RARB: variants seen among roughly 807,000 people sequenced by gnomAD.
The protein encoded by RARB is retinoic acid receptor beta.
Under a neutral mutation model 51.9 loss-of-function variants are expected in RARB, and 17 were observed. The ratio of observed to expected loss-of-function variants is 0.33; its 90% CI spans 0.22 to 0.49. The LOEUF is 0.49. Among genes scored for constraint, RARB ranks in the 20% least tolerant of loss-of-function variants. RARB has a pLI of 0.99. For synonymous variants in RARB, 215 were observed against 195.4 expected, an observed-to-expected ratio of 1.10 and a Z score of -0.84; for missense variants, 369 against 550.8, an observed-to-expected ratio of 0.67 and a Z score of 3.30.
intron 2 of RARB, among the ~76,000 whole-genome samples, chr3:24,866,301 G>T (rs750868018): frequency 1.3e-5 from 2 of 152,046 alleles, no homozygotes; most frequent in African/African-American, 2.4e-5. Flanking sequence ...ACCTTGTCCA[G>T]TCCTCAAGCC....
chr3:24,877,346 C>CTTTTTTTTTTTTT (rs66976672), intron 2 of RARB, among the ~76,000 whole-genome samples: 7,793 of 81,254 alleles, frequency 0.096, 1,407 homozygotes, highest in Non-Finnish European at 0.14. Context: ...AGCAATCTTA[C>CTTTTTTTTTTTTT]TTTTTTTTTT....
rs66976672 is a variant in RARB at position 24,877,346 on chromosome 3, CTTT to C, written c.-380+18609_-380+18611del. 5.7e-3 allele frequency among the ~76,000 whole-genome samples: 463 copies of C among 81,928 alleles called. 21 individuals carry two copies. The highest frequency in any genetic ancestry group is 7.0e-3 in the Non-Finnish European group (323 of 45,948). 53.7% of individuals were successfully genotyped at this position (81,928 alleles called of 152,430 possible). ...ATAGTAATTTTTTAAAGCAATCTTA[CTTT>C]TTTTTTTTTTTTTTGGAAAATTCAC... On this transcript the variant is annotated intron_variant, in intron 2 of 11. Coordinates refer to the RARB transcript ENST00000383772.
At chr3:25,236,641 T>C (rs1263726655) in intron 5 of RARB, among the ~76,000 whole-genome samples, 2 of 152,080 alleles carry the variant, frequency 1.3e-5, no homozygotes, top group Non-Finnish European at 2.9e-5. Context: ...GCGCTGGTGC[T>C]CCGAACAATT....
chr3:25,167,955 T>C (rs1700585744), intron 4 of RARB, among the ~76,000 whole-genome samples: 2 of 152,230 alleles, frequency 1.3e-5, no homozygotes, highest in Admixed American at 1.3e-4. Context: ...TAATCTGACA[T>C]TTGGGGAGTC....
rs367993154 is a variant in RARB at position 25,146,070 on chromosome 3, CAGCCTGCATGCAA to C, written c.-280+13864_-280+13876del. On this transcript the variant is annotated intron_variant, in intron 4 of 11. Coordinates refer to the RARB transcript ENST00000383772. ...CATGTATGTGAGTCCTAGAGTCAGG[CAGCCTGCATGCAA>C]ATCCTGGCCTTGCCCCTCACTAGCT... 3.3e-5 allele frequency among the ~76,000 whole-genome samples: 5 copies of C among 152,190 alleles called. 1 individual carries two copies. The highest frequency in any genetic ancestry group is 1.2e-4 in the African/African-American group (5 of 41,528).
At chr3:25,583,695 T>C (rs1476713539) in intron 5 of RARB, among the ~76,000 whole-genome samples, 3 of 152,268 alleles carry the variant, frequency 2.0e-5, no homozygotes, top group Admixed American at 2.0e-4. Context: ...CATCCTAGCC[T>C]TTGCTCGGTG....
At chr3:25,044,342 T>C (rs1698172195) in intron 2 of RARB, among the ~76,000 whole-genome samples, 1 of 152,216 alleles carries the variant, frequency 6.6e-6, no homozygotes, top group African/African-American at 2.4e-5. Flanking sequence ...AGGCAGGAAC[T>C]GTATCTGAGT....
intron 3 of RARB, among the ~76,000 whole-genome samples, chr3:25,111,893 C>T (rs746382057): frequency 6.6e-6 from 1 of 151,972 alleles, no homozygotes; most frequent in Non-Finnish European, 1.5e-5. Flanking sequence ...ATTTTATATT[C>T]ATTTCCCCCC....
At chr3:25,238,820 A>T (rs1702363966) in intron 5 of RARB, among the ~76,000 whole-genome samples, 1 of 152,154 alleles carries the variant, frequency 6.6e-6, no homozygotes, top group East Asian at 1.9e-4. Context: ...CTCTACTAAA[A>T]ATACAAAAAT....
At chr3:24,891,050 G>C (rs1050598097) in intron 2 of RARB, among the ~76,000 whole-genome samples, 1 of 152,154 alleles carries the variant, frequency 6.6e-6, no homozygotes. Context: ...ATGTGGAAAA[G>C]CTCAGTGCGT....
At chr3:25,237,237 C>T (rs1422170861) in intron 5 of RARB, among the ~76,000 whole-genome samples, 1 of 152,096 alleles carries the variant, frequency 6.6e-6, no homozygotes, top group Non-Finnish European at 1.5e-5. Flanking sequence ...TACTGAAGAA[C>T]TGAGATGATC....
chr3:25,122,986 A>C (rs1359215190), intron 3 of RARB, among the ~76,000 whole-genome samples: 1 of 152,168 alleles, frequency 6.6e-6, no homozygotes, highest in Non-Finnish European at 1.5e-5. Flanking sequence ...CAGCACATGT[A>C]CACAGTGGTG....
At chr3:25,336,133 T>C (rs544671149) in intron 5 of RARB, among the ~76,000 whole-genome samples, 1 of 151,058 alleles carries the variant, frequency 6.6e-6, no homozygotes, top group East Asian at 1.9e-4. Flanking sequence ...TAAAATTATG[T>C]ATTCCATATG....
At chr3:24,946,344 T>A (rs1330845633) in intron 2 of RARB, among the ~76,000 whole-genome samples, 4 of 109,862 alleles carry the variant, frequency 3.6e-5, no homozygotes, top group Admixed American at 3.3e-4. Context: ...GTTGAGTTAA[T>A]TTTTTTGAAA....
chr3:25,184,644 A>G (rs1200732320), intron 5 of RARB, among the ~76,000 whole-genome samples: 1 of 152,146 alleles, frequency 6.6e-6, no homozygotes, highest in Admixed American at 6.6e-5. Flanking sequence ...CTGTAAAATA[A>G]GGACAATTTA....
intron 5 of RARB, among the ~76,000 whole-genome samples, chr3:25,265,067 C>T (rs1426073634): frequency 6.6e-6 from 1 of 152,140 alleles, no homozygotes. Context: ...CAAAATCTGC[C>T]AATGCCTTGA....
intron 4 of RARB, among the ~76,000 whole-genome samples, chr3:25,154,806 G>A (rs1220028529): frequency 1.3e-5 from 2 of 152,162 alleles, no homozygotes; most frequent in Non-Finnish European, 2.9e-5. Flanking sequence ...TGTTGGCTAG[G>A]TGTGCATCCT....
At chr3:25,225,013 T>A (rs1032614962) in intron 5 of RARB, among the ~76,000 whole-genome samples, 1 of 152,162 alleles carries the variant, frequency 6.6e-6, no homozygotes, top group Non-Finnish European at 1.5e-5. Context: ...TTTTATAAAT[T>A]TTATAAATCT....
intron 5 of RARB, among the ~76,000 whole-genome samples, chr3:25,249,629 G>C (rs571290748): frequency 6.7e-6 from 1 of 148,894 alleles, no homozygotes; most frequent in Non-Finnish European, 1.5e-5. Flanking sequence ...TGTTGGTTGG[G>C]TAGGTCACTT....
Sources: allele counts gnomAD v4.1 joint callset (sites outside exome capture counted in the v4.1 genomes callset), GRCh38; gene constraint gnomAD v4.1.1; transcripts MANE v1.5; gene names NCBI Gene and HGNC (gene_info 2026-07-23, HGNC 2026-07-21).